TDRD9: variants seen among roughly 807,000 people sequenced by gnomAD.
The protein encoded by TDRD9 is tudor domain containing 9.
In TDRD9, 124 loss-of-function variants were observed where a neutral mutation model predicts 172.6. That is an observed-to-expected ratio of 0.72 (90% confidence interval 0.62 to 0.83). The LOEUF is 0.83. Among genes scored for constraint, TDRD9 ranks in the 40% least tolerant of loss-of-function variants. TDRD9 has a pLI of 0.00. For synonymous variants in TDRD9, 619 were observed against 617.1 expected (o/e 1.00, Z -0.05); for missense variants, 1,479 against 1,714.1 (o/e 0.86, Z 2.42).
rs934674642 is a variant in TDRD9 at position 103,980,214 on chromosome 14, C to T, written c.1011+4661C>T. 7.2e-5 allele frequency among the ~76,000 whole-genome samples: 11 copies of T among 152,096 alleles called. No individual in the cohort carries two copies. The highest frequency in any genetic ancestry group is 2.7e-4 in the African/African-American group (11 of 41,414). On this transcript the variant is annotated intron_variant, in intron 7 of 35. Coordinates refer to ENST00000409874, the MANE Select transcript of TDRD9 (RefSeq NM_153046.3). The surrounding 1 kb of genome is among the most constrained non-coding windows in gnomAD (Gnocchi z 4.5). ...GACAAAGAGATAAAAGAAAAGACAGCTGGGCCTGGGGGACCACTACCACCA... is the reference window on the plus strand; with the variant it reads ...GACAAAGAGATAAAAGAAAAGACAGTTGGGCCTGGGGGACCACTACCACCA...
chr14:103,957,385 T>G, intron 2 of TDRD9, among the ~76,000 whole-genome samples: 1 of 152,228 alleles, frequency 6.6e-6, no homozygotes, highest in East Asian at 1.9e-4. Context: ...ATCTAACATC[T>G]TTAGTTGATC....
chr14:103,940,802 T>G, intron 1 of TDRD9: 1 of 1,525,284 alleles, frequency 6.6e-7, no homozygotes. Flanking sequence ...TAGTTGTAAG[T>G]AACTTAACTA....
At chr14:103,965,243 G>C (rs2032684241) in intron 3 of TDRD9, 90 bp from the exon 4 acceptor site, 1 of 1,315,270 alleles carries the variant, frequency 7.6e-7, no homozygotes, top group Non-Finnish European at 1.1e-6. Context: ...TAAGATGAAA[G>C]AAAAATAAAT....
chr14:104,016,755 A>G (rs2034805703), intron 22 of TDRD9, among the ~76,000 whole-genome samples: 1 of 152,208 alleles, frequency 6.6e-6, no homozygotes, highest in Admixed American at 6.5e-5. Flanking sequence ...ACTTGGTTCC[A>G]GTATGTGCCT....
intron 4 of TDRD9, 85 bp from the exon 5 acceptor site, chr14:103,966,624 C>T: frequency 4.0e-6 from 5 of 1,248,144 alleles, no homozygotes; most frequent in Admixed American, 3.0e-5. Context: ...TTTTTCATTC[C>T]CTTTCTTACC....
rs756394692 is a variant in TDRD9 at position 103,970,667 on chromosome 14, C to G, written c.846+46C>G. Reference sequence around the variant, plus strand: ...AACAGACATATTTAGGATTAAGATTCATTGTTTAGTTTTGTTTCTCTCTAT... The same window carrying G: ...AACAGACATATTTAGGATTAAGATTGATTGTTTAGTTTTGTTTCTCTCTAT... On this transcript the variant is annotated intron_variant, in intron 6 of 35. Transcript: ENST00000409874. The G allele has an allele frequency of 1.6e-5, 23 of 1,432,932 alleles. No individual in the cohort carries two copies. In the African/African-American group the frequency reaches 2.8e-4, roughly 18 times the overall value. 88.8% of individuals were successfully genotyped at this position (1,432,932 alleles called of 1,614,324 possible). A position where few individuals can be genotyped will look rare whatever the true frequency, so the allele number is the denominator to read the frequency against.
Position 104,006,764 on chromosome 14 carries a change from ACTGTTAT to A in TDRD9, c.1944-12_1944-6del, listed in dbSNP as rs779413621. Reference sequence around the variant, plus strand: ...CTGTATTTTAATGGTATTGAATGACACTGTTATCTGTTTATAGGAACAAAGTGAATTT... The same window carrying A: ...CTGTATTTTAATGGTATTGAATGACACTGTTTATAGGAACAAAGTGAATTT... On this transcript the variant is annotated splice_polypyrimidine_tract_variant and intron_variant, in intron 17 of 35. Coordinates refer to ENST00000409874, the MANE Select transcript of TDRD9 (RefSeq NM_153046.3). The A allele has an allele frequency of 1.2e-6, 2 of 1,613,530 alleles. No individual in the cohort carries two copies. Among genetic ancestry groups the A allele is most frequent in the Non-Finnish European group, 1.7e-6 (2 of 1,179,578 alleles).
At chr14:103,966,852 G>A (rs1378648839) in intron 5 of TDRD9, 21 bp downstream of exon 5, 5 of 1,544,452 alleles carry the variant, frequency 3.2e-6, no homozygotes, top group Non-Finnish European at 3.5e-6. Flanking sequence ...TCATCTACTT[G>A]TAAAGGTCAT....
chr14:104,032,594 A>G (rs2035318645), intron 30 of TDRD9, among the ~76,000 whole-genome samples: 1 of 152,210 alleles, frequency 6.6e-6, no homozygotes, highest in Admixed American at 6.5e-5. Flanking sequence ...CATTCTATGT[A>G]AGACATTTTT....
intron 23 of TDRD9, among the ~76,000 whole-genome samples, chr14:104,020,667 C>T (rs139455100): frequency 8.1e-4 from 123 of 152,244 alleles, no homozygotes; most frequent in African/African-American, 2.8e-3. Flanking sequence ...CATGTACCTG[C>T]TCCACACACC....
At position 103,991,797 on chromosome 14, in the gene TDRD9, G is replaced by A. The variant is rs2033879722; in HGVS notation, c.1180+573G>A. 2.7e-5 allele frequency among the ~76,000 whole-genome samples: 4 copies of A among 145,832 alleles called. No individual in the cohort carries two copies. The South Asian group carries it at 8.8e-4, about 32-fold the overall frequency. ...TTTGGAGACAGAGTCTCACTCTGTT[G>A]CCCAGGCAGGGGTACAGTGGCAAAA... is the stretch of plus-strand genomic sequence containing the variant. On this transcript the variant is annotated intron_variant, in intron 9 of 35. Coordinates refer to ENST00000409874, the MANE Select transcript of TDRD9 (RefSeq NM_153046.3).
At chr14:104,004,053 T>C (rs922507055) in intron 13 of TDRD9, among the ~76,000 whole-genome samples, 185 bp from the exon 14 acceptor site, 4 of 152,238 alleles carry the variant, frequency 2.6e-5, no homozygotes, top group Non-Finnish European at 4.4e-5. Flanking sequence ...TTATTTAGAA[T>C]AATGTTTAAA....
intron 2 of TDRD9, among the ~76,000 whole-genome samples, chr14:103,957,574 G>A (rs1321858353): frequency 1.3e-5 from 2 of 152,232 alleles, no homozygotes; most frequent in African/African-American, 2.4e-5. Flanking sequence ...CTATATGCCA[G>A]TGAACAGAGG....
chr14:104,016,202 TTAGGCTTGTTTGGCCTTTTCAGGTGTATC>T (rs1022009553), intron 22 of TDRD9, 114 bp downstream of exon 22: 2 of 722,210 alleles, frequency 2.8e-6, no homozygotes, highest in Non-Finnish European at 4.6e-6. Context: ...GGCGTGAATA[TTAGGCTTGTTTGGCCTTTTCAGGTGTATC>T]TAGGCTTGTT....
rs1215803499 is a variant in TDRD9, at chr14:103,997,697, G to A, written c.1379-927G>A. On this transcript the variant is annotated intron_variant, in intron 12 of 35. Coordinates refer to ENST00000409874, the MANE Select transcript of TDRD9 (RefSeq NM_153046.3). This position sits in a 1 kb window ranked among gnomAD's most constrained non-coding sequence, Gnocchi z 5.1. ...AAAGGTGGGCAGTAAGAGCAGAGGG[G>A]CCTCCAGGGCAGTGGGAAGAAAGCC... is the stretch of plus-strand genomic sequence containing the variant. 1.3e-5 allele frequency among the ~76,000 whole-genome samples: 2 copies of A among 152,220 alleles called. No homozygotes were observed. The highest frequency in any genetic ancestry group is 2.9e-5 in the Non-Finnish European group (2 of 68,032).
At chr14:103,986,871 T>C (rs1403467636) in intron 8 of TDRD9, among the ~76,000 whole-genome samples, 1 of 152,156 alleles carries the variant, frequency 6.6e-6, no homozygotes, top group Non-Finnish European at 1.5e-5. Flanking sequence ...ATCCCAGCAC[T>C]TTGGGAGGCC....
chr14:104,018,166 C>A lies in TDRD9; in HGVS notation c.2406C>A (p.Val802=). The A allele has an allele frequency of 6.2e-7, 1 of 1,602,948 alleles. No individual in the cohort carries two copies. The highest frequency in any genetic ancestry group is 8.5e-7 in the Non-Finnish European group (1 of 1,171,938). The change falls in exon 23 of 36, where the codon GTC becomes GTA. Residue 802 remains valine, a synonymous_variant. Transcript: ENST00000409874. The part of the protein sequence containing the change: ...LQSLFRQCGQ[V]KSIVFDGAKA... ...CTCTCTTTAGACAGTGTGGTCAAGT[C>A]AAATCCATTGTATTTGATGGTGCAA...
chr14:103,968,095 C>A (rs990089904), intron 5 of TDRD9, among the ~76,000 whole-genome samples: 1 of 151,960 alleles, frequency 6.6e-6, no homozygotes, highest in African/African-American at 2.4e-5. Flanking sequence ...CCTTTGCACA[C>A]CCATACTTGA....
Position 104,049,670 on chromosome 14 carries a change from A to G in TDRD9, c.4037A>G (p.Glu1346Gly). 6.3e-7 allele frequency: 1 copy of G among 1,587,666 alleles called. No individual in the cohort carries two copies. Among genetic ancestry groups the G allele is most frequent in the Non-Finnish European group, 8.6e-7 (1 of 1,167,066 alleles). ...CCCAAGTGGCATGAAAAGCCCTACGAGTGGAATCAGGTGAGTGGGACGCAG... is the reference window on the plus strand; with the variant it reads ...CCCAAGTGGCATGAAAAGCCCTACGGGTGGAATCAGGTGAGTGGGACGCAG... ...IVPKWHEKPY[E>G]WNQVDPKLVM... The change falls in exon 35 of 36, where the codon GAG (glutamate) becomes GGG (glycine). Residue 1346 changes from glutamate (E) to glycine (G), a missense_variant. Physicochemically the swap from Glu to Gly is moderately conservative, Grantham distance 98 (BLOSUM62 -2). Coordinates refer to ENST00000409874, the MANE Select transcript of TDRD9 (RefSeq NM_153046.3).
Sources: allele counts gnomAD v4.1 joint callset (sites outside exome capture counted in the v4.1 genomes callset), GRCh38; gene constraint gnomAD v4.1.1; non-coding constraint Gnocchi (gnomAD v3.1); transcripts MANE v1.5; gene names NCBI Gene and HGNC (gene_info 2026-07-23, HGNC 2026-07-21).